ACSM3: variants seen among roughly 807,000 people sequenced by gnomAD.
The protein encoded by ACSM3 is acyl-coenzyme A synthetase ACSM3, mitochondrial.
In ACSM3, 61 loss-of-function variants were observed where a neutral mutation model predicts 74.1. That is an observed-to-expected ratio of 0.82 (90% CI 0.67 to 1.02). The LOEUF (loss-of-function observed/expected upper bound fraction) is 1.02, where lower values mean the gene tolerates loss of function less well. Among genes scored for constraint, ACSM3 ranks in the 50% least tolerant of loss-of-function variants. ACSM3 has a pLI of 0.00. For synonymous variants in ACSM3, 213 were observed against 241.5 expected, an observed-to-expected ratio of 0.88 and a Z score of 1.09; for missense variants, 660 against 697.0, an observed-to-expected ratio of 0.95 and a Z score of 0.60.
At chr16:20,680,609 G>A (rs566660829) in intron 1 of ACSM3, 3 of 152,320 alleles carry the variant, frequency 2.0e-5, no homozygotes, top group South Asian at 2.1e-4. Flanking sequence ...GGAAAGTACC[G>A]TATCGCCCGT....
At chr16:20,732,615 G>A (rs2079837360) in intron 1 of ACSM3, among the ~76,000 whole-genome samples, 1 of 152,150 alleles carries the variant, frequency 6.6e-6, no homozygotes, top group Non-Finnish European at 1.5e-5. Flanking sequence ...TAGAACAGTA[G>A]AGACCTAGGA....
At chr16:20,789,485 C>T in intron 9 of ACSM3, 4 of 1,612,030 alleles carry the variant, frequency 2.5e-6, no homozygotes, top group Non-Finnish European at 3.4e-6. Context: ...TTACCATTGT[C>T]AACCAGAGAA....
At chr16:20,684,578 T>G (rs1212439005) in intron 1 of ACSM3, among the ~76,000 whole-genome samples, 3 of 152,222 alleles carry the variant, frequency 2.0e-5, no homozygotes, top group East Asian at 1.9e-4. Flanking sequence ...TGGAGATATA[T>G]TCTACAATAC....
At chr16:20,789,341 C>T in intron 9 of ACSM3, 1 of 675,660 alleles carries the variant, frequency 1.5e-6, no homozygotes, top group Non-Finnish European at 2.6e-6. Context: ...GGAATAGGTA[C>T]ATGTCAAGTA....
intron 4 of ACSM3, among the ~76,000 whole-genome samples, chr16:20,778,558 T>C (rs2080285646): frequency 6.6e-6 from 1 of 152,204 alleles, no homozygotes; most frequent in Admixed American, 6.5e-5. Flanking sequence ...ACCTAGGTAC[T>C]ATAATTACAC....
chr16:20,786,041 T>C, intron 8 of ACSM3, 37 bp from the exon 9 acceptor site: 8 of 1,390,360 alleles, frequency 5.8e-6, no homozygotes, highest in Non-Finnish European at 7.8e-6. Context: ...TTTAAGTGAC[T>C]TGTAATGTTA....
chr16:20,723,904 G>T (rs1185822810), intron 1 of ACSM3, among the ~76,000 whole-genome samples: 1 of 152,108 alleles, frequency 6.6e-6, no homozygotes, highest in African/African-American at 2.4e-5. Flanking sequence ...ATTTGTCAAT[G>T]TTGGCTTTTG....
Position 20,776,031 on chromosome 16 carries a change from G to A in ACSM3, c.412G>A (p.Val138Met). The A allele has an allele frequency of 6.2e-7, 1 of 1,614,204 alleles. No individual in the cohort carries two copies. Among genetic ancestry groups the A allele is most frequent in the Non-Finnish European group, 8.5e-7 (1 of 1,180,036 alleles). ...PRVPEWWLAN[V>M]ACLRTGTVLI... ...GGTCCCAGAGTGGTGGCTTGCAAATGTGGCCTGTCTGCGAACAGGTTAGTA... is the reference window on the plus strand; with the variant it reads ...GGTCCCAGAGTGGTGGCTTGCAAATATGGCCTGTCTGCGAACAGGTTAGTA... The change falls in exon 3 of 14, where the codon GTG becomes ATG. Residue 138 changes from valine (V) to methionine (M), a missense_variant. By Grantham distance (21) the Val-to-Met change is conservative (BLOSUM62 1). Transcript: ENST00000289416.
rs191469953 is a variant in ACSM3, at chr16:20,727,468, T to C, written c.-189-22442T>C. The C allele has an allele frequency of 3.8e-3, 1,743 of 454,280 alleles. 8 individuals carry two copies. The highest frequency in any genetic ancestry group is 5.5e-3 in the South Asian group (310 of 56,006). The allele number at this position is 454,280 out of a possible 1,614,324, so 28.1% of individuals were successfully genotyped here. On this transcript the variant is annotated intron_variant, in intron 1 of 3. Coordinates refer to the ACSM3 transcript ENST00000561584. The stretch of plus-strand genomic sequence containing the variant: ...GAGAGCTATGGACAGACGGAAGTGG[T>C]ATATTTAAAGGGCAACATTTATGTT...
intron 1 of ACSM3, among the ~76,000 whole-genome samples, chr16:20,708,703 A>G (rs2079734624): frequency 6.6e-6 from 1 of 152,226 alleles, no homozygotes; most frequent in Admixed American, 6.5e-5. Context: ...AGCGTGATCT[A>G]TGGACTCGAT....
At chr16:20,738,140 G>A in intron 1 of ACSM3, 3 of 685,090 alleles carry the variant, frequency 4.4e-6, no homozygotes, top group South Asian at 4.3e-5. Flanking sequence ...GTACTATAAT[G>A]TATCTAATAT....
chr16:20,690,354 CTG>C (rs1289566301), intron 1 of ACSM3, among the ~76,000 whole-genome samples: 1 of 152,188 alleles, frequency 6.6e-6, no homozygotes, highest in Admixed American at 6.5e-5. Flanking sequence ...CTCTCTTGGT[CTG>C]TGTCTTGTGA....
chr16:20,789,507 T>C (rs775091910), intron 9 of ACSM3: 2 of 1,613,822 alleles, frequency 1.2e-6, no homozygotes, highest in Non-Finnish European at 1.7e-6. Context: ...ATTCCCCTTT[T>C]CCTGTTTACT....
At chr16:20,699,853 G>T (rs909091001) in intron 1 of ACSM3, among the ~76,000 whole-genome samples, 3 of 152,146 alleles carry the variant, frequency 2.0e-5, no homozygotes, top group African/African-American at 7.2e-5. Flanking sequence ...TTAACAAGAG[G>T]TATACAGCGG....
intron 1 of ACSM3, among the ~76,000 whole-genome samples, chr16:20,712,740 TA>T (rs200467690): frequency 0.14 from 19,854 of 139,538 alleles, 1,591 homozygotes; most frequent in South Asian, 0.23. Context: ...AACCTGTCTC[TA>T]AAAAAAAAAA....
chr16:20,688,635 A>G (rs1409876203), intron 1 of ACSM3, among the ~76,000 whole-genome samples: 2 of 152,106 alleles, frequency 1.3e-5, no homozygotes, highest in African/African-American at 4.8e-5. Context: ...AAAGGGCTTA[A>G]AGAAAAAAAA....
intron 1 of ACSM3, chr16:20,738,253 A>G (rs1436057565): frequency 1.0e-5 from 5 of 485,880 alleles, no homozygotes; most frequent in Admixed American, 9.2e-5. Context: ...CAACCGTAAC[A>G]CCATGCTGTT....
At position 20,780,354 on chromosome 16, in the gene ACSM3, G is replaced by A; in HGVS notation, c.639-360G>A. Reference sequence around the variant, plus strand: ...CACATTTTAAAGCATCCATAGGGGAGGGAAGGGGAAAATTCTTCCTTATCC... The same window carrying A: ...CACATTTTAAAGCATCCATAGGGGAAGGAAGGGGAAAATTCTTCCTTATCC... On this transcript the variant is annotated intron_variant, in intron 4 of 13. Transcript: ENST00000289416. The A allele has an allele frequency of 4.9e-6, 2 of 409,612 alleles. 1 individual carries two copies. 25.4% of individuals were successfully genotyped at this position (409,612 alleles called of 1,614,324 possible).
At chr16:20,737,058 G>C in intron 1 of ACSM3, 2 of 1,614,146 alleles carry the variant, frequency 1.2e-6, no homozygotes, top group Non-Finnish European at 1.7e-6. Flanking sequence ...GTTTTGGTCT[G>C]ATTTGTCCGC....
Sources: gnomAD v4.1 joint callset for allele counts (sites outside exome capture counted in the v4.1 genomes callset) on GRCh38, gnomAD v4.1.1 for gene constraint, MANE v1.5 for transcripts, NCBI Gene and HGNC (gene_info 2026-07-23, HGNC 2026-07-21) for gene names.